The following APOL5 variants were observed in gnomAD, a reference collection of about 807,000 sequenced individuals.
The protein encoded by APOL5 is apolipoprotein L, 5.
A neutral mutation model predicts 35.5 loss-of-function variants in APOL5; 29 were observed. That is an observed-to-expected ratio of 0.82 (90% CI 0.61 to 1.11). The LOEUF is 1.11. Among genes scored for constraint, APOL5 ranks in the 50% most tolerant of loss-of-function variants. APOL5 has a pLI of 0.00. For synonymous variants in APOL5, 188 were observed against 200.2 expected (o/e 0.94, Z 0.51); for missense variants, 514 against 530.4 (o/e 0.97, Z 0.30).
chr22:35,726,091 A>G, intron 2 of APOL5, 120 bp from the exon 3 acceptor site: 4 of 1,150,038 alleles, frequency 3.5e-6, no homozygotes, highest in Non-Finnish European at 4.9e-6. Flanking sequence ...GACCCCTTTC[A>G]CTGCTGTAAT....
chr22:35,717,754 G>GAAAAAAAAAA (rs1435096149), upstream of APOL5: 2 of 334,420 alleles, frequency 6.0e-6, no homozygotes, highest in Non-Finnish European at 4.9e-6. Flanking sequence ...AAAAAAAAAA[G>GAAAAAAAAAA]AAAGAAAAGA....
intron 2 of APOL5, among the ~76,000 whole-genome samples, chr22:35,722,903 C>T (rs1414657036): frequency 6.6e-6 from 1 of 152,118 alleles, no homozygotes; most frequent in Non-Finnish European, 1.5e-5. Flanking sequence ...GAAGGGCCTT[C>T]CAGCTCTAAC....
Position 35,726,910 on chromosome 22 carries a change from A to T in APOL5, c.842A>T (p.Glu281Val). ...GCTAGAGGGGTGCAGAGAGCCTTTGAGGGCACAACTCTGGCCATGACCAAT... is the reference window on the plus strand; with the variant it reads ...GCTAGAGGGGTGCAGAGAGCCTTTGTGGGCACAACTCTGGCCATGACCAAT... The part of the protein sequence containing the change: ...WTARGVQRAF[E>V]GTTLAMTNGA... The change falls in exon 3 of 5, where the codon GAG becomes GTG. Residue 281 changes from glutamate to valine, a missense_variant. By Grantham distance (121) the Glu-to-Val change is moderately radical. Coordinates refer to ENST00000249044, the MANE Select transcript of APOL5 (RefSeq NM_030642.1). The T allele has an allele frequency of 1.2e-6, 2 of 1,614,176 alleles. No homozygotes were observed. The highest frequency in any genetic ancestry group is 1.1e-5 in the South Asian group (1 of 91,076).
chr22:35,713,353 G>A (rs1213340662), upstream of APOL5, among the ~76,000 whole-genome samples: 3 of 152,134 alleles, frequency 2.0e-5, no homozygotes, highest in African/African-American at 7.2e-5. Flanking sequence ...TGGAGATAGC[G>A]AGAGGCTTGA....
chr22:35,721,388 C>T (rs940175570), intron 2 of APOL5, among the ~76,000 whole-genome samples: 1 of 151,954 alleles, frequency 6.6e-6, no homozygotes, highest in African/African-American at 2.4e-5. Flanking sequence ...ACTAAAAATA[C>T]AGAAATTAGC....
In APOL5 at chr22:35,728,757, G is replaced by C. The variant is rs767511524; in HGVS notation, c.1161G>C (p.Glu387Asp). The change falls in exon 4 of 5, where the codon GAG becomes GAC. Residue 387 changes from glutamate to aspartate, a missense_variant. Transcript: ENST00000249044. ...SRSPLPWPVV[E>D]HQPRLGPGVA... ...CACCTCTCCCCTGGCCTGTTGTGGA[G>C]CACCAGCCTAGGCTGGGCCCTGGCG... 6.2e-7 allele frequency: 1 copy of C among 1,613,476 alleles called. No homozygotes were observed. Among genetic ancestry groups the C allele is most frequent in the Non-Finnish European group, 8.5e-7 (1 of 1,179,790 alleles).
intron 3 of APOL5, among the ~76,000 whole-genome samples, chr22:35,727,841 T>G (rs1927223400): frequency 6.6e-6 from 1 of 152,204 alleles, no homozygotes; most frequent in South Asian, 2.1e-4. Context: ...TTCTAGACTC[T>G]CCTATGTAGA....
At chr22:35,726,047 G>A (rs1927140933) in intron 2 of APOL5, among the ~76,000 whole-genome samples, 164 bp from the exon 3 acceptor site, 1 of 152,202 alleles carries the variant, frequency 6.6e-6, no homozygotes, top group African/African-American at 2.4e-5. Context: ...AGAACAGCTT[G>A]GAGGTTAGAA....
At chr22:35,709,776 CT>C in the APOL5 span, among the ~76,000 whole-genome samples, 19 of 151,796 alleles carry the variant, frequency 1.3e-4, no homozygotes, top group South Asian at 2.1e-4. Context: ...TCTTCTATAT[CT>C]TTTTTTTTAA....
chr22:35,711,506 C>A, the APOL5 span, among the ~76,000 whole-genome samples: 4 of 152,094 alleles, frequency 2.6e-5, no homozygotes, highest in Non-Finnish European at 4.4e-5. Context: ...TTTTTATGGA[C>A]CAGCTATCTT....
chr22:35,726,590 A>G lies in APOL5; in HGVS notation c.522A>G (p.Thr174=). ...GGSLMLSATG[T]GLGAAAAITN... is the part of the protein sequence containing the mutation. ...GTCTCATGCTCTCAGCAACTGGGAC[A>G]GGGTTGGGGGCAGCAGCTGCCATCA... Residue 174 remains threonine (T), a synonymous_variant, in exon 3 of 5, where the codon ACA becomes ACG. Coordinates refer to ENST00000249044, the MANE Select transcript of APOL5 (RefSeq NM_030642.1). 6.2e-7 allele frequency: 1 copy of G among 1,614,170 alleles called. No individual in the cohort carries two copies. The highest frequency in any genetic ancestry group is 8.5e-7 in the Non-Finnish European group (1 of 1,180,016).
chr22:35,717,527 G>T (rs1320954455), upstream of APOL5, among the ~76,000 whole-genome samples: 1 of 151,052 alleles, frequency 6.6e-6, no homozygotes, highest in African/African-American at 2.4e-5. Flanking sequence ...ATCACCTGAG[G>T]TCAGGAGTTT....
chr22:35,718,129 C>T (rs1926825407), intron 1 of APOL5, among the ~76,000 whole-genome samples: 1 of 152,220 alleles, frequency 6.6e-6, no homozygotes. Context: ...CATCAAATAA[C>T]TTCCTTTGTA....
chr22:35,711,729 G>A, the APOL5 span, among the ~76,000 whole-genome samples: 1 of 147,832 alleles, frequency 6.8e-6, no homozygotes, highest in Non-Finnish European at 1.5e-5. Flanking sequence ...AGGCTGGAGT[G>A]CAGTGGCATG....
upstream of APOL5, among the ~76,000 whole-genome samples, chr22:35,715,844 T>C (rs1220281410): frequency 6.6e-6 from 1 of 152,104 alleles, no homozygotes; most frequent in Non-Finnish European, 1.5e-5. Context: ...CTGCATCAGC[T>C]GAAACCTCTG....
the APOL5 span, among the ~76,000 whole-genome samples, chr22:35,709,790 G>C: frequency 1.3e-5 from 2 of 151,318 alleles, no homozygotes; most frequent in African/African-American, 2.4e-5. Context: ...TTTTTTAATA[G>C]TGTCTGTTTT....
chr22:35,718,821 G>C (rs1445999199), intron 1 of APOL5, among the ~76,000 whole-genome samples: 1 of 152,088 alleles, frequency 6.6e-6, no homozygotes, highest in Non-Finnish European at 1.5e-5. Context: ...ACTTTGGGAG[G>C]CCAAGGCAGA....
chr22:35,713,111 C>A (rs557901757), upstream of APOL5, among the ~76,000 whole-genome samples: 1 of 152,338 alleles, frequency 6.6e-6, no homozygotes, highest in East Asian at 1.9e-4. Context: ...CTGAAATTTG[C>A]AGTTATCAAC....
At chr22:35,722,909 C>T (rs1927023612) in intron 2 of APOL5, among the ~76,000 whole-genome samples, 1 of 152,122 alleles carries the variant, frequency 6.6e-6, no homozygotes, top group African/African-American at 2.4e-5. Context: ...CCTTCCAGCT[C>T]TAACATCTCA....
Sources: gnomAD v4.1 joint callset for allele counts (sites outside exome capture counted in the v4.1 genomes callset) on GRCh38, gnomAD v4.1.1 for gene constraint, MANE v1.5 for transcripts, NCBI Gene and HGNC (gene_info 2026-07-23, HGNC 2026-07-21) for gene names.